PHF8: variants seen among roughly 807,000 people sequenced by gnomAD.
PHF8 encodes PHD finger protein 8, also known as histone lysine demethylase PHF8.
PHF8 carries 9 observed loss-of-function variants against 74.4 expected under a neutral mutation model. The observed-to-expected ratio is 0.12, with a 90% CI of 0.07 to 0.21. The LOEUF is 0.21. Ranked by LOEUF, PHF8 falls within the 10% of genes least tolerant of loss-of-function variation. The pLI is 1.00. For synonymous variants in PHF8, 311 were observed against 316.6 expected, an observed-to-expected ratio of 0.98 and a Z score of 0.19; for missense variants, 478 against 816.6, an observed-to-expected ratio of 0.59 and a Z score of 5.05.
chrX:54,041,059 C>A (rs1557115714), intron 2 of PHF8, among the ~76,000 whole-genome samples: 1 of 111,507 alleles, frequency 9.0e-6, no homozygotes, highest in Non-Finnish European at 1.9e-5. Context: ...AGCACCAGCA[C>A]CTATAGTTTG....
chrX:54,039,356 C>G (rs1557115258), intron 2 of PHF8, among the ~76,000 whole-genome samples: 1 of 111,327 alleles, frequency 9.0e-6, no homozygotes. Context: ...AGAGCAGCCA[C>G]CCCCAAGGAC....
At chrX:53,942,600 A>G (rs1456977206) in intron 20 of PHF8, 1 of 577,781 alleles carries the variant, frequency 1.7e-6, no homozygotes, top group Non-Finnish European at 2.1e-6. Context: ...AGTTAAATTA[A>G]ATATATTCCC....
chrX:54,025,920 C>T (rs1277166410), intron 2 of PHF8, among the ~76,000 whole-genome samples: 1 of 111,337 alleles, frequency 9.0e-6, no homozygotes, highest in Non-Finnish European at 1.9e-5. Context: ...CTTACAGATA[C>T]CCTCACTTGC....
At chrX:54,000,295 C>A (rs1251456032) in intron 10 of PHF8, among the ~76,000 whole-genome samples, 1 of 112,020 alleles carries the variant, frequency 8.9e-6, no homozygotes, top group Non-Finnish European at 1.9e-5. Flanking sequence ...GTATTTGAAT[C>A]TGAGGCTTGG....
At chrX:53,943,107 G>C (rs782060758) in intron 20 of PHF8, 2 of 832,236 alleles carry the variant, frequency 2.4e-6, no homozygotes, top group East Asian at 5.7e-5. Flanking sequence ...AAGGCACTAA[G>C]AGTAATTTTC....
At chrX:53,992,996 G>A (rs781811311) in intron 13 of PHF8, 157 bp from the exon 14 acceptor site, 2 of 481,484 alleles carry the variant, frequency 4.2e-6, no homozygotes, top group Non-Finnish European at 7.5e-6. Flanking sequence ...CTGATCACAG[G>A]AGCAGGAGGT....
rs782065332 is a variant in PHF8 at position 54,035,941 on chromosome X, G to A, written c.98+6690C>T. On this transcript the variant is annotated intron_variant, in intron 2 of 21. Coordinates refer to ENST00000338154, the MANE Select transcript of PHF8 (RefSeq NM_015107.3). ...AGCCTGACGAACATGGAGAAACCCC[G>A]TCTCTACTAAAAATACAAAATTAGC... is the stretch of plus-strand genomic sequence containing the variant. 3.9e-4 allele frequency among the ~76,000 whole-genome samples: 43 copies of A among 109,785 alleles called. 1 individual carries two copies. The Middle Eastern group carries it at 0.019, about 49-fold the overall frequency.
intron 18 of PHF8, among the ~76,000 whole-genome samples, chrX:53,967,336 C>A (rs1557093208): frequency 3.2e-4 from 30 of 95,004 alleles, no homozygotes; most frequent in Admixed American, 4.5e-4. Flanking sequence ...GCCCCCCGCC[C>A]GGCCAGCCGC....
chrX:53,938,808 A>T lies in PHF8; in HGVS notation c.*350T>A. On this transcript the variant is annotated 3_prime_UTR_variant, in exon 22 of 22. Transcript: ENST00000338154. ...CACTTCATGGCTCAGGCTCCTTCAT[A>T]CCTCTCCTCATCCTGCCTTCCAGCT... 4 of 805,160 alleles carry T rather than the reference A, an allele frequency of 5.0e-6. No individual in the cohort carries two copies. Among genetic ancestry groups the T allele is most frequent in the Non-Finnish European group, 5.9e-6 (4 of 672,360 alleles). 66.4% of individuals were successfully genotyped at this position (805,160 alleles called of 1,213,427 possible).
chrX:54,015,477 G>A (rs1557107808), intron 6 of PHF8, among the ~76,000 whole-genome samples: 3 of 105,849 alleles, frequency 2.8e-5, no homozygotes, highest in Non-Finnish European at 5.8e-5. Context: ...TCGGGAGGCT[G>A]AGGCAGGAGA....
intron 18 of PHF8, among the ~76,000 whole-genome samples, chrX:53,972,917 G>C (rs2065317407): frequency 9.0e-6 from 1 of 111,543 alleles, no homozygotes; most frequent in Admixed American, 9.6e-5. Context: ...CAGCCCAAAA[G>C]CTTCTTCAGC....
chrX:53,968,646 C>A (rs1457445876), intron 18 of PHF8, among the ~76,000 whole-genome samples: 1 of 112,517 alleles, frequency 8.9e-6, no homozygotes, highest in Non-Finnish European at 1.9e-5. Flanking sequence ...CGGTGGCTCA[C>A]GCCTGTAATC....
chrX:53,990,463 A>C (rs2065640857), intron 14 of PHF8, among the ~76,000 whole-genome samples: 1 of 111,223 alleles, frequency 9.0e-6, no homozygotes, highest in Non-Finnish European at 1.9e-5. Flanking sequence ...GAAATGTCTT[A>C]TTGTACCTTC....
In PHF8 at chrX:54,022,309, CT is replaced by C; in HGVS notation, c.242del (p.Lys81ArgfsTer22). On this transcript the variant is annotated frameshift_variant, in exon 4 of 22. Transcript: ENST00000338154. LOFTEE classifies it high-confidence loss of function. ...GHDTHKGKPV[K>X]TGSPTFVREL... ...CTCTGACGAACGTAGGGCTCCCGGT[CT>C]TCACTGGTTTCCCCTTGTGTGTATC... The C allele has an allele frequency of 8.3e-7, 1 of 1,208,913 alleles. No individual in the cohort carries two copies. Among genetic ancestry groups the C allele is most frequent in the Non-Finnish European group, 1.1e-6 (1 of 892,790 alleles).
At chrX:53,956,226 G>T (rs1557088649) in intron 19 of PHF8, among the ~76,000 whole-genome samples, 1 of 111,531 alleles carries the variant, frequency 9.0e-6, no homozygotes, top group Non-Finnish European at 1.9e-5. Flanking sequence ...CTCCAGCCTG[G>T]GCAACAGAGT....
chrX:54,028,149 A>C (rs969917381), intron 2 of PHF8, among the ~76,000 whole-genome samples: 2 of 111,327 alleles, frequency 1.8e-5, no homozygotes, highest in Admixed American at 9.6e-5. Context: ...TGTGGCTATG[A>C]AGGAAGAGCA....
chrX:54,031,668 T>C (rs1332650597), intron 2 of PHF8, among the ~76,000 whole-genome samples: 2 of 110,091 alleles, frequency 1.8e-5, no homozygotes, highest in Non-Finnish European at 3.8e-5. Flanking sequence ...TTACACCAAA[T>C]TCTTCAAAAT....
At chrX:54,004,786 G>A (rs910871369) in intron 8 of PHF8, among the ~76,000 whole-genome samples, 3 of 109,038 alleles carry the variant, frequency 2.8e-5, no homozygotes, top group East Asian at 2.9e-4. Flanking sequence ...AAAATTAGCC[G>A]GGCATGGTGG....
At chrX:54,018,012 G>A (rs2066100819) in intron 4 of PHF8, among the ~76,000 whole-genome samples, 191 bp from the exon 5 acceptor site, 1 of 111,673 alleles carries the variant, frequency 9.0e-6, no homozygotes, top group Non-Finnish European at 1.9e-5. Context: ...CACTGGCAGA[G>A]GTGGGGAGTA....
Sources: allele counts gnomAD v4.1 joint callset (sites outside exome capture counted in the v4.1 genomes callset), GRCh38; gene constraint gnomAD v4.1.1; transcripts MANE v1.5; gene names NCBI Gene and HGNC (gene_info 2026-07-23, HGNC 2026-07-21).